The following ITGA2B variants were observed in gnomAD, a reference collection of about 807,000 sequenced individuals.
The protein encoded by ITGA2B is integrin alpha-IIb.
A neutral mutation model predicts 142.0 loss-of-function variants in ITGA2B; 91 were observed. The ratio of observed to expected loss-of-function variants is 0.64; its 90% CI spans 0.54 to 0.76. ITGA2B has a LOEUF of 0.76. Ranked by LOEUF, ITGA2B falls within the 30% of genes least tolerant of loss-of-function variation. The pLI, the probability that ITGA2B is intolerant of heterozygous loss-of-function variation, is 0.00. For synonymous variants in ITGA2B, 536 were observed against 567.2 expected (o/e 0.94, Z 0.78); for missense variants, 1,231 against 1,350.8 (o/e 0.91, Z 1.39).
chr17:44,372,929 T>C (rs1418503859), intron 29 of ITGA2B, among the ~76,000 whole-genome samples: 1 of 152,062 alleles, frequency 6.6e-6, no homozygotes, highest in Non-Finnish European at 1.5e-5. Flanking sequence ...CCTCTGAATT[T>C]TTCTTTTTTA....
chr17:44,385,472 C>G, intron 4 of ITGA2B, 79 bp downstream of exon 4: 1 of 1,462,074 alleles, frequency 6.8e-7, no homozygotes, highest in Non-Finnish European at 9.1e-7. Flanking sequence ...GCAAGGGCTG[C>G]GGCGCTGGGG....
intron 18 of ITGA2B, among the ~76,000 whole-genome samples, chr17:44,379,245 C>CAT (rs1567901213): frequency 9.1e-5 from 13 of 142,746 alleles, no homozygotes; most frequent in African/African-American, 3.4e-4. Context: ...TGAGCCACTG[C>CAT]GCCTGGCTTT....
chr17:44,379,703 G>A lies in ITGA2B; in HGVS notation c.1864C>T (p.His622Tyr). 1 of 1,613,772 alleles carries A rather than the reference G, an allele frequency of 6.2e-7. No individual in the cohort carries two copies. The highest frequency in any genetic ancestry group is 8.5e-7 in the Non-Finnish European group (1 of 1,179,978). Residue 622 changes from histidine (H) to tyrosine (Y), a missense_variant, in exon 18 of 30, where the codon CAT becomes TAT. Transcript: ENST00000262407. ...APAVVLHGDT[H>Y]VQEQTRIVLD... is the part of the protein sequence containing the mutation. The stretch of plus-strand genomic sequence containing the variant: ...CCTGTCCCTACCTGCTCCTGCACAT[G>A]GGTGTCTCCATGCAGCACGACAGCA...
chr17:44,375,046 C>G lies in ITGA2B; in HGVS notation c.2793G>C (p.Arg931=). 1 of 1,546,790 alleles carries G rather than the reference C, an allele frequency of 6.5e-7. No homozygotes were observed. Among genetic ancestry groups the G allele is most frequent in the Non-Finnish European group, 8.7e-7 (1 of 1,146,914 alleles). ...CDLQEMARGQ[R]AMVTVLAFLW... ...GGAAGGCCAGCACCGTGACCATGGC[C>G]CGCTGCCCGCGCGCCATCTCCTGCA... Residue 931 remains arginine, a synonymous_variant, in exon 27 of 30, where the codon CGG becomes CGC. Transcript: ENST00000262407.
intron 4 of ITGA2B, 60 bp downstream of exon 4, chr17:44,385,491 C>T: frequency 6.6e-7 from 1 of 1,508,864 alleles, no homozygotes; most frequent in Non-Finnish European, 8.8e-7. Context: ...GGGCGGGATC[C>T]GATGGGGGCG....
At chr17:44,376,250 GC>G in intron 23 of ITGA2B, 57 bp downstream of exon 23, 1 of 1,612,820 alleles carries the variant, frequency 6.2e-7, no homozygotes, top group Admixed American at 1.7e-5. Context: ...TTTCCCCAGC[GC>G]CCCCTGGAGT....
At chr17:44,376,599 AC>A (rs2048546509) in intron 22 of ITGA2B, among the ~76,000 whole-genome samples, 1 of 150,838 alleles carries the variant, frequency 6.6e-6, no homozygotes, top group Admixed American at 6.6e-5. Context: ...TTCTTCAAAG[AC>A]CTTTTTTTTT....
chr17:44,380,936 A>G lies in ITGA2B; in HGVS notation c.1336T>C (p.Ser446Pro), dbSNP rs1416679787. ...QVLDSPFPTG[S>P]AFGFSLRGAV... ...CCTCGAAGGGAGAAGCCAAAGGCAG[A>G]GCCTGTGGGGAAGGGGCTGTCCAGG... Residue 446 changes from serine (S) to proline (P), a missense_variant, in exon 13 of 30, where the codon TCT becomes CCT. Physicochemically the swap from Ser to Pro is moderately conservative, Grantham distance 74. Around this residue, in one of 3 missense-constraint regions of ITGA2B, gnomAD observed 908 missense variants for 1,021.1 expected, o/e 0.89. Transcript: ENST00000262407. 1.9e-6 allele frequency: 3 copies of G among 1,614,122 alleles called. No individual in the cohort carries two copies. In the African/African-American group the frequency reaches 4.0e-5, roughly 22 times the overall value.
At position 44,372,312 on chromosome 17, in the gene ITGA2B, C is replaced by T. The variant is rs995443197; in HGVS notation, c.*52G>A. 6.4e-5 allele frequency: 101 copies of T among 1,576,030 alleles called. 1 individual carries two copies. In the South Asian group the frequency reaches 7.4e-4, roughly 12 times the overall value. Reference sequence around the variant, plus strand: ...TGGAGGCAACTTGTTGGAGAAGGGGCGGTGCAGGTAGCACGCCCAACCCTC... The same window carrying T: ...TGGAGGCAACTTGTTGGAGAAGGGGTGGTGCAGGTAGCACGCCCAACCCTC... On this transcript the variant is annotated 3_prime_UTR_variant, in exon 30 of 30. Transcript: ENST00000262407.
chr17:44,388,267 A>C (rs1363796214), intron 1 of ITGA2B, among the ~76,000 whole-genome samples: 4 of 152,020 alleles, frequency 2.6e-5, no homozygotes, highest in African/African-American at 9.7e-5. Flanking sequence ...AGGGAAATGG[A>C]ACAGAAATGC....
intron 22 of ITGA2B, 118 bp from the exon 23 acceptor site, chr17:44,376,506 C>T (rs1172786321): frequency 1.1e-6 from 1 of 882,052 alleles, no homozygotes; most frequent in African/African-American, 1.6e-5. Context: ...GAGCATGCCA[C>T]ACTGAAGTTA....
chr17:44,377,281 C>G (rs988844557), intron 21 of ITGA2B, among the ~76,000 whole-genome samples, 193 bp from the exon 22 acceptor site: 1 of 151,960 alleles, frequency 6.6e-6, no homozygotes, highest in Non-Finnish European at 1.5e-5. Context: ...CTGCAACCTC[C>G]ACCTCCCAGG....
In ITGA2B at chr17:44,378,491, T is replaced by C; in HGVS notation, c.1965A>G (p.Leu655=). ...LTASVTGSPL[L]VGADNVLELQ... ...GCTCCAGGACATTATCTGCCCCAACTAGGAGCGGGGAGCCCGTCCTGTGGG... is the reference window on the plus strand; with the variant it reads ...GCTCCAGGACATTATCTGCCCCAACCAGGAGCGGGGAGCCCGTCCTGTGGG... Residue 655 remains leucine, a synonymous_variant, in exon 20 of 30, where the codon CTA becomes CTG. Coordinates refer to ENST00000262407, the MANE Select transcript of ITGA2B (RefSeq NM_000419.5). The C allele has an allele frequency of 6.2e-7, 1 of 1,613,810 alleles. No individual in the cohort carries two copies. The highest frequency in any genetic ancestry group is 1.1e-5 in the South Asian group (1 of 90,922).
Position 44,385,921 on chromosome 17 carries a change from C to T in ITGA2B, c.311G>A (p.Arg104His). The change falls in exon 3 of 30, where the codon CGT (arginine) becomes CAT (histidine). Residue 104 changes from arginine (R) to histidine (H), a missense_variant and splice_region_variant. By Grantham distance (29) the Arg-to-His change is conservative. Coordinates refer to ENST00000262407, the MANE Select transcript of ITGA2B (RefSeq NM_000419.5). ...GQCPSLLFDL[R>H]DETRNVGSQT... ...GGAGCCTACATTTCGGGTCTCATCA[C>T]CTGGAAGGCACAAGAAGGGGTGGGG... 6.2e-7 allele frequency: 1 copy of T among 1,613,596 alleles called. No individual in the cohort carries two copies. The highest frequency in any genetic ancestry group is 8.5e-7 in the Non-Finnish European group (1 of 1,179,790).
chr17:44,383,903 TTGACGTCAG>T lies in ITGA2B; in HGVS notation c.980_988del (p.Thr327_Val329del). On this transcript the variant is annotated inframe_deletion, in exon 11 of 30. Transcript: ENST00000262407. ...GCATGTCCCTCCTCACCCATCCCCG[TTGACGTCAG>T]TGACAGCCACTGAATGCCCAAAATA... 6.2e-7 allele frequency: 1 copy of T among 1,613,870 alleles called. No homozygotes were observed. Among genetic ancestry groups the T allele is most frequent in the Non-Finnish European group, 8.5e-7 (1 of 1,179,988 alleles).
chr17:44,374,685 G>A lies in ITGA2B; in HGVS notation c.2917C>T (p.Leu973Phe), dbSNP rs1598375729. 1 of 1,614,030 alleles carries A rather than the reference G, an allele frequency of 6.2e-7. No individual in the cohort carries two copies. The highest frequency in any genetic ancestry group is 1.1e-5 in the South Asian group (1 of 91,076). ...VSSLPYAVPP[L>F]SLPRGEAQVW... is the part of the protein sequence containing the mutation. ...TGAGCTTCCCCTCGGGGCAGGCTGAGCGGGGGCACCGCATAGGGGAGGGAG... is the reference window on the plus strand; with the variant it reads ...TGAGCTTCCCCTCGGGGCAGGCTGAACGGGGGCACCGCATAGGGGAGGGAG... Residue 973 changes from leucine (L) to phenylalanine (F), a missense_variant, in exon 28 of 30, where the codon CTC becomes TTC. By Grantham distance (22) the Leu-to-Phe change is conservative (BLOSUM62 0). Coordinates refer to ENST00000262407, the MANE Select transcript of ITGA2B (RefSeq NM_000419.5).
intron 1 of ITGA2B, among the ~76,000 whole-genome samples, chr17:44,386,941 A>C (rs1022330409): frequency 6.6e-6 from 1 of 152,206 alleles, no homozygotes; most frequent in Admixed American, 6.5e-5. Flanking sequence ...GCGGGTGTGC[A>C]ACACCATGCC....
chr17:44,385,458 C>T (rs1287910401), intron 4 of ITGA2B, 93 bp downstream of exon 4: 33 of 1,473,614 alleles, frequency 2.2e-5, no homozygotes, highest in Non-Finnish European at 2.9e-5. Context: ...AGGCCAGATC[C>T]AAAGCAAGGG....
chr17:44,385,491 C>A (rs1480354453), intron 4 of ITGA2B, 60 bp downstream of exon 4: 33 of 1,508,806 alleles, frequency 2.2e-5, no homozygotes, highest in Non-Finnish European at 2.8e-5. Flanking sequence ...GGGCGGGATC[C>A]GATGGGGGCG....
Sources: gnomAD v4.1 joint callset for allele counts (sites outside exome capture counted in the v4.1 genomes callset) on GRCh38, gnomAD v4.1.1 for gene constraint, gnomAD v4.1.1 regional missense constraint, MANE v1.5 for transcripts, NCBI Gene and HGNC (gene_info 2026-07-23, HGNC 2026-07-21) for gene names.